PSMD2: variants seen among roughly 807,000 people sequenced by gnomAD.
PSMD2 encodes proteasome 26S subunit ubiquitin receptor, non-ATPase 2, also known as 26S proteasome non-ATPase regulatory subunit 2.
A neutral mutation model predicts 101.5 loss-of-function variants in PSMD2; 8 were observed. The observed-to-expected ratio is 0.08, with a 90% CI of 0.05 to 0.14. The LOEUF is 0.14. Among genes scored for constraint, PSMD2 ranks in the 10% least tolerant of loss-of-function variants. PSMD2 has a pLI of 1.00. For missense variants in PSMD2, 784 were observed against 1,147.4 expected, an observed-to-expected ratio of 0.68 and a Z score of 4.58; for synonymous variants, 418 against 433.8, an observed-to-expected ratio of 0.96 and a Z score of 0.45.
At position 184,306,774 on chromosome 3, in the gene PSMD2, C is replaced by T. The variant is rs1721845854; in HGVS notation, c.1974C>T (p.Ala658=). The change falls in exon 16 of 21, where the codon GCC becomes GCT. Residue 658 remains alanine, a synonymous_variant. Coordinates refer to ENST00000310118, the MANE Select transcript of PSMD2 (RefSeq NM_002808.5). ...AGGGAGTGGCTGTTCTGGGGATTGCCCTTATTGCTATGGGGGAGGAGATTG... is the reference window on the plus strand; with the variant it reads ...AGGGAGTGGCTGTTCTGGGGATTGCTCTTATTGCTATGGGGGAGGAGATTG... ...AHQGVAVLGI[A]LIAMGEEIGA... is the part of the protein sequence containing the mutation. The T allele has an allele frequency of 1.2e-6, 2 of 1,613,806 alleles. No individual in the cohort carries two copies. The highest frequency in any genetic ancestry group is 2.7e-5 in the African/African-American group (2 of 74,826).
Position 184,307,691 on chromosome 3 carries a change from A to T in PSMD2, c.2281A>T (p.Met761Leu), listed in dbSNP as rs762849498. The change falls in exon 18 of 21, where the codon ATG becomes TTG. Residue 761 changes from methionine to leucine, a missense_variant. Coordinates refer to ENST00000310118, the MANE Select transcript of PSMD2 (RefSeq NM_002808.5). ...YHAKDPNNLF[M>L]VRLAQGLTHL... ...TGCCAAGGACCCAAACAACCTCTTC[A>T]TGGTGCGCTTGGCACAGGTAAAGAA... 1.1e-5 allele frequency: 18 copies of T among 1,614,144 alleles called. No individual in the cohort carries two copies. Among genetic ancestry groups the T allele is most frequent in the Non-Finnish European group, 1.4e-5 (16 of 1,180,020 alleles).
chr3:184,304,141 C>A lies in PSMD2; in HGVS notation c.1451+67C>A, dbSNP rs1363510524. On this transcript the variant is annotated intron_variant, in intron 11 of 20. Coordinates refer to ENST00000310118, the MANE Select transcript of PSMD2 (RefSeq NM_002808.5). The surrounding 1 kb of genome is among the most constrained non-coding windows in gnomAD (Gnocchi z 4.1). Reference sequence around the variant, plus strand: ...ACACTCTGGAGAACAGGAACTGGGCCCTTTTCACCCATATTGCCAAGGGCT... The same window carrying A: ...ACACTCTGGAGAACAGGAACTGGGCACTTTTCACCCATATTGCCAAGGGCT... 3.8e-6 allele frequency: 6 copies of A among 1,597,254 alleles called. No individual in the cohort carries two copies. The East Asian group carries it at 1.1e-4, about 30-fold the overall frequency.
chr3:184,304,127 A>G lies in PSMD2; in HGVS notation c.1451+53A>G. 1 of 1,607,950 alleles carries G rather than the reference A, an allele frequency of 6.2e-7. No individual in the cohort carries two copies. Among genetic ancestry groups the G allele is most frequent in the Non-Finnish European group, 8.5e-7 (1 of 1,175,246 alleles). ...AGTGCTCAGCCTGTACACTCTGGAG[A>G]ACAGGAACTGGGCCCTTTTCACCCA... On this transcript the variant is annotated intron_variant, in intron 11 of 20. Transcript: ENST00000310118. The surrounding 1 kb of genome is among the most constrained non-coding windows in gnomAD (Gnocchi z 4.1).
chr3:184,306,549 T>C (rs1721838673), intron 15 of PSMD2, 54 bp downstream of exon 15: 2 of 1,577,598 alleles, frequency 1.3e-6, no homozygotes, highest in Non-Finnish European at 8.6e-7. Flanking sequence ...GATAAGCATA[T>C]AGGGGAGGCT....
chr3:184,299,778 T>A, intron 1 of PSMD2, 73 bp from the exon 2 acceptor site: 3 of 1,297,504 alleles, frequency 2.3e-6, no homozygotes, highest in Non-Finnish European at 3.4e-6. Context: ...ATTCTTCACC[T>A]GCCCCGGGTA....
At chr3:184,301,781 C>A in intron 4 of PSMD2, 66 bp from the exon 5 acceptor site, 1 of 1,610,194 alleles carries the variant, frequency 6.2e-7, no homozygotes, top group South Asian at 1.1e-5. Flanking sequence ...ACGCTGGATT[C>A]CTTGACCCAC....
Position 184,299,260 on chromosome 3 carries a change from G to C in PSMD2, c.-7G>C. The C allele has an allele frequency of 3.0e-6, 4 of 1,337,032 alleles. No individual in the cohort carries two copies. The highest frequency in any genetic ancestry group is 1.8e-5 in the South Asian group (1 of 55,032). 82.8% of individuals were successfully genotyped at this position (1,337,032 alleles called of 1,614,324 possible). A position where few individuals can be genotyped will look rare whatever the true frequency, so the allele number is the denominator to read the frequency against. The stretch of plus-strand genomic sequence containing the variant: ...GCGCGCGCAGCGGGCCGGCAGTGGC[G>C]GCGGAGATGGAGGAGGGAGGCCGGG... On this transcript the variant is annotated 5_prime_UTR_variant, in exon 1 of 21. Transcript: ENST00000310118.
At chr3:184,303,273 C>T in intron 8 of PSMD2, 47 bp from the exon 9 acceptor site, 2 of 1,592,722 alleles carry the variant, frequency 1.3e-6, no homozygotes, top group Non-Finnish European at 8.5e-7. Context: ...CTTTCCTGTC[C>T]TACCTGAAAC....
At chr3:184,299,758 AGGC>A in intron 1 of PSMD2, 90 bp from the exon 2 acceptor site, 1 of 1,052,790 alleles carries the variant, frequency 9.5e-7, no homozygotes, top group East Asian at 2.4e-5. Context: ...CCTCCTAAGG[AGGC>A]AGGCTTATTC....
intron 9 of PSMD2, 57 bp from the exon 10 acceptor site, chr3:184,303,586 T>A: frequency 6.2e-7 from 1 of 1,610,760 alleles, no homozygotes; most frequent in Non-Finnish European, 8.5e-7. Flanking sequence ...CTCTTTATAA[T>A]AACAGGATCC....
At position 184,308,150 on chromosome 3, in the gene PSMD2, G is replaced by C; in HGVS notation, c.2425+134G>C. The C allele has an allele frequency of 2.5e-6, 3 of 1,213,638 alleles. No homozygotes were observed. The highest frequency in any genetic ancestry group is 2.6e-5 in the Admixed American group (1 of 37,874). The allele number at this position is 1,213,638 out of a possible 1,614,324, so 75.2% of individuals were successfully genotyped here. A position where few individuals can be genotyped will look rare whatever the true frequency, so the allele number is the denominator to read the frequency against. On this transcript the variant is annotated intron_variant, in intron 19 of 20. Coordinates refer to ENST00000310118, the MANE Select transcript of PSMD2 (RefSeq NM_002808.5). The surrounding 1 kb of genome is among the most constrained non-coding windows in gnomAD (Gnocchi z 6.0). ...GCTCTAGGTTTCTGAGACAGGCTTT[G>C]GGCCTGTGACATGAGACTTTCATCA... is the stretch of plus-strand genomic sequence containing the variant.
chr3:184,308,592 G>A lies in PSMD2; in HGVS notation c.2544+25G>A. 1.3e-6 allele frequency: 2 copies of A among 1,592,800 alleles called. No individual in the cohort carries two copies. Among genetic ancestry groups the A allele is most frequent in the Non-Finnish European group, 1.7e-6 (2 of 1,161,928 alleles). On this transcript the variant is annotated intron_variant, in intron 20 of 20. Transcript: ENST00000310118. The surrounding 1 kb of genome is among the most constrained non-coding windows in gnomAD (Gnocchi z 6.0). ...GGTGAGAGGCTGAGTAGAGGGGAGG[G>A]CTCAGGCTGTATTCTCAAACTGGAG...
chr3:184,308,030 A>C lies in PSMD2; in HGVS notation c.2425+14A>C. The C allele has an allele frequency of 6.2e-7, 1 of 1,613,620 alleles. No homozygotes were observed. Among genetic ancestry groups the C allele is most frequent in the Non-Finnish European group, 8.5e-7 (1 of 1,179,966 alleles). On this transcript the variant is annotated intron_variant, in intron 19 of 20. Coordinates refer to ENST00000310118, the MANE Select transcript of PSMD2 (RefSeq NM_002808.5). This position sits in a 1 kb window ranked among gnomAD's most constrained non-coding sequence, Gnocchi z 6.0. ...ATGTTCGAAACAGTGAGTTCCTGTC[A>C]GAAATTTTATATCATAGCATGCAGG...
intron 5 of PSMD2, 108 bp from the exon 6 acceptor site, chr3:184,302,262 T>C: frequency 7.9e-7 from 1 of 1,261,722 alleles, no homozygotes; most frequent in East Asian, 2.4e-5. Context: ...TCTAGCACAG[T>C]GCCTGGTGTA....
chr3:184,300,009 G>T, intron 2 of PSMD2, 102 bp downstream of exon 2: 2 of 1,120,886 alleles, frequency 1.8e-6, no homozygotes, highest in Admixed American at 1.7e-5. Context: ...TGTATTTTAG[G>T]GTCAGTGTTA....
intron 9 of PSMD2, 78 bp from the exon 10 acceptor site, chr3:184,303,565 T>C: frequency 6.2e-7 from 1 of 1,608,326 alleles, no homozygotes; most frequent in African/African-American, 1.3e-5. Flanking sequence ...ACCATGCAGT[T>C]CTTTGGAGAG....
intron 1 of PSMD2, 140 bp from the exon 2 acceptor site, chr3:184,299,711 C>A: frequency 2.7e-6 from 2 of 727,610 alleles, no homozygotes; most frequent in Non-Finnish European, 2.4e-6. Flanking sequence ...CTCACCAGGG[C>A]TTCCCATTCC....
chr3:184,301,633 G>C lies in PSMD2; in HGVS notation c.454G>C (p.Ala152Pro). 1 of 1,614,206 alleles carries C rather than the reference G, an allele frequency of 6.2e-7. No homozygotes were observed. Among genetic ancestry groups the C allele is most frequent in the Non-Finnish European group, 8.5e-7 (1 of 1,180,030 alleles). The change falls in exon 4 of 21, where the codon GCA (alanine) becomes CCA (proline). Residue 152 changes from alanine to proline, a missense_variant. This residue lies in a region of PSMD2 where 208 missense variants were observed against 301.6 expected (regional missense o/e 0.69). Transcript: ENST00000310118. ...GCTAGTGGGCTCCCAGGAGGAATTG[G>C]CATCATGGGGTCATGAGTATGTCAG... ...YRLVGSQEELASWGHEYVRHL... is the reference protein window; with the variant it reads ...YRLVGSQEELPSWGHEYVRHL...
intron 12 of PSMD2, among the ~76,000 whole-genome samples, chr3:184,305,408 G>A (rs1721796734): frequency 2.6e-5 from 4 of 151,100 alleles, no homozygotes; most frequent in Middle Eastern, 3.4e-3. Flanking sequence ...AGAATCGCTC[G>A]AACCCAGGAG....
Sources: allele counts gnomAD v4.1 joint callset (sites outside exome capture counted in the v4.1 genomes callset), GRCh38; gene constraint gnomAD v4.1.1; regional missense constraint gnomAD v4.1.1; non-coding constraint Gnocchi (gnomAD v3.1); transcripts MANE v1.5; gene names NCBI Gene and HGNC (gene_info 2026-07-23, HGNC 2026-07-21).